Variants in LIPA observed in about 807,000 individuals in gnomAD.
LIPA encodes the protein lipase A, lysosomal acid type.
A neutral mutation model predicts 40.6 loss-of-function variants in LIPA; 26 were observed. The observed-to-expected ratio is 0.64, with a 90% CI of 0.47 to 0.89. The LOEUF is 0.89. LIPA is among the 40% of genes least tolerant of loss of function. The probability of loss-of-function intolerance (pLI) is 0.00; values close to 1 mark genes in which losing one functional copy is unlikely to be tolerated. For synonymous variants in LIPA, 188 were observed against 168.4 expected (o/e 1.12, Z -0.90); for missense variants, 455 against 479.6 (o/e 0.95, Z 0.48).
At chr10:89,290,325 A>G (rs1183086483) in intron 1 of LIPA, among the ~76,000 whole-genome samples, 2 of 152,080 alleles carry the variant, frequency 1.3e-5, no homozygotes, top group East Asian at 3.9e-4. Context: ...CCTTCTAACA[A>G]CCCCACAGTA....
chr10:89,409,802 G>A (rs549253549), intron 2 of LIPA, among the ~76,000 whole-genome samples: 10 of 152,304 alleles, frequency 6.6e-5, no homozygotes, highest in Admixed American at 2.0e-4. Flanking sequence ...CTTTTCACAT[G>A]TCTTTCTTGT....
intron 1 of LIPA, among the ~76,000 whole-genome samples, chr10:89,325,727 A>C (rs1296686355): frequency 1.3e-5 from 2 of 152,168 alleles, no homozygotes; most frequent in African/African-American, 4.8e-5. Context: ...ATGGGTGAAG[A>C]GAGAGGACTG....
rs571984022 is a variant in LIPA at position 89,227,233 on chromosome 10, C to T, written c.429-229G>A. On this transcript the variant is annotated intron_variant, in intron 4 of 9. Transcript: ENST00000336233. ...CATTTTTCACACCAGAAATTAGTTTCGCCTGTTTTTAAATATTTCTGTAAG... is the reference window on the plus strand; with the variant it reads ...CATTTTTCACACCAGAAATTAGTTTTGCCTGTTTTTAAATATTTCTGTAAG... 4.9e-4 allele frequency among the ~76,000 whole-genome samples: 74 copies of T among 152,306 alleles called. 1 individual carries two copies. Among genetic ancestry groups the T allele is most frequent in the Admixed American group, 2.2e-3 (33 of 15,306 alleles).
At chr10:89,332,553 T>G in intron 1 of LIPA, 2 of 1,613,724 alleles carry the variant, frequency 1.2e-6, no homozygotes, top group South Asian at 2.2e-5. Flanking sequence ...AGCATTTGCT[T>G]GGAATCAGTA....
intron 2 of LIPA, among the ~76,000 whole-genome samples, chr10:89,389,912 A>G (rs1324707902): frequency 6.6e-6 from 1 of 151,738 alleles, no homozygotes; most frequent in African/African-American, 2.4e-5. Flanking sequence ...ATTAGGGATA[A>G]TTGAGGCCCT....
At chr10:89,305,890 T>C in intron 1 of LIPA, 2 of 1,062,416 alleles carry the variant, frequency 1.9e-6, no homozygotes, top group Non-Finnish European at 2.8e-6. Context: ...AGGAGCATTT[T>C]ATTTGCCATG....
chr10:89,404,889 G>A (rs980821460), intron 2 of LIPA: 1 of 152,102 alleles, frequency 6.6e-6, no homozygotes, highest in Non-Finnish European at 1.5e-5. Flanking sequence ...TGGAGCCAGG[G>A]AGTTCGAGGC....
intron 1 of LIPA, among the ~76,000 whole-genome samples, chr10:89,287,605 C>T (rs888422659): frequency 2.0e-5 from 3 of 152,074 alleles, no homozygotes; most frequent in Non-Finnish European, 4.4e-5. Context: ...GATACCTCTA[C>T]TCCCTCCTTG....
At chr10:89,324,303 G>A (rs572185114) in intron 1 of LIPA, among the ~76,000 whole-genome samples, 1 of 152,310 alleles carries the variant, frequency 6.6e-6, no homozygotes, top group Admixed American at 6.5e-5. Context: ...AATAAAGGGT[G>A]CTGGGATAAC....
chr10:89,290,588 C>CA (rs1159072528), intron 1 of LIPA, among the ~76,000 whole-genome samples: 3 of 152,268 alleles, frequency 2.0e-5, no homozygotes, highest in South Asian at 2.1e-4. Context: ...TGAAGAATCA[C>CA]AAAAAAAGTG....
chr10:89,236,015 C>T (rs1315136353), intron 3 of LIPA, among the ~76,000 whole-genome samples: 1 of 151,530 alleles, frequency 6.6e-6, no homozygotes, highest in African/African-American at 2.4e-5. Context: ...TGGAGATTTG[C>T]AACAATTTGA....
intron 2 of LIPA, among the ~76,000 whole-genome samples, chr10:89,347,822 C>T (rs1287424514): frequency 6.6e-6 from 1 of 152,172 alleles, no homozygotes; most frequent in Non-Finnish European, 1.5e-5. Flanking sequence ...GATCACCTTC[C>T]TGGGCTGAGA....
At chr10:89,328,243 G>A (rs978103373) in intron 1 of LIPA, among the ~76,000 whole-genome samples, 3 of 152,170 alleles carry the variant, frequency 2.0e-5, no homozygotes, top group African/African-American at 7.2e-5. Context: ...TTTCCCTGTG[G>A]CTTTTTTTGG....
chr10:89,261,589 A>G (rs1843208146), intron 1 of LIPA, among the ~76,000 whole-genome samples: 1 of 152,194 alleles, frequency 6.6e-6, no homozygotes, highest in African/African-American at 2.4e-5. Context: ...CTTCTCTTGA[A>G]AAACAGAGAG....
intron 2 of LIPA, among the ~76,000 whole-genome samples, chr10:89,367,198 T>A (rs987113188): frequency 2.7e-5 from 4 of 150,928 alleles, no homozygotes; most frequent in Non-Finnish European, 5.9e-5. Context: ...GGGGCAGGGA[T>A]AGCATTAGGA....
upstream of LIPA, among the ~76,000 whole-genome samples, chr10:89,345,755 C>A (rs1011731307): frequency 1.3e-5 from 2 of 151,972 alleles, no homozygotes; most frequent in Non-Finnish European, 2.9e-5. Flanking sequence ...CAGAATGCAG[C>A]ACAGAAAAAC....
intron 1 of LIPA, chr10:89,339,389 G>T (rs374038623): frequency 6.2e-6 from 10 of 1,614,118 alleles, no homozygotes; most frequent in Non-Finnish European, 8.5e-6. Context: ...GATGTCCTCC[G>T]CAGTGCAGCC....
At chr10:89,237,442 T>A (rs972076913) in intron 3 of LIPA, among the ~76,000 whole-genome samples, 1 of 148,506 alleles carries the variant, frequency 6.7e-6, no homozygotes, top group Non-Finnish European at 1.5e-5. Context: ...GATGAAAGTG[T>A]TCCATTCTAA....
chr10:89,374,778 A>G (rs1844110796), intron 2 of LIPA, among the ~76,000 whole-genome samples: 1 of 152,178 alleles, frequency 6.6e-6, no homozygotes, highest in African/African-American at 2.4e-5. Flanking sequence ...AATGAGTCCC[A>G]TTCCAAAATC....
Sources: gnomAD v4.1 joint callset for allele counts (sites outside exome capture counted in the v4.1 genomes callset) on GRCh38, gnomAD v4.1.1 for gene constraint, MANE v1.5 for transcripts, NCBI Gene and HGNC (gene_info 2026-07-23, HGNC 2026-07-21) for gene names.